Variants in PTPRM observed in about 807,000 individuals in gnomAD.
The protein encoded by PTPRM is receptor-type tyrosine-protein phosphatase mu.
In PTPRM, 47 loss-of-function variants were observed where a neutral mutation model predicts 186.7. The observed-to-expected ratio is 0.25, with a 90% confidence interval of 0.20 to 0.32. PTPRM has a LOEUF of 0.32. PTPRM is among the 10% of genes least tolerant of loss of function. The pLI is 1.00. For missense variants in PTPRM, 1,494 were observed against 1,865.0 expected (o/e 0.80, Z 3.66); for synonymous variants, 668 against 674.9 (o/e 0.99, Z 0.16).
chr18:8,246,327 A>G (rs550484079), intron 15 of PTPRM, among the ~76,000 whole-genome samples: 12 of 152,308 alleles, frequency 7.9e-5, no homozygotes, highest in Non-Finnish European at 1.2e-4. Context: ...GAAAAACGAA[A>G]TAGGAGAATT....
intron 2 of PTPRM, among the ~76,000 whole-genome samples, chr18:7,850,460 C>G (rs2046807831): frequency 6.6e-6 from 1 of 152,164 alleles, no homozygotes; most frequent in Non-Finnish European, 1.5e-5. Context: ...AAAGGAGCAA[C>G]TTTTCCCATT....
chr18:7,832,416 G>T (rs1197340475), intron 2 of PTPRM, among the ~76,000 whole-genome samples: 1 of 152,114 alleles, frequency 6.6e-6, no homozygotes, highest in Non-Finnish European at 1.5e-5. Context: ...TTTGCCACTT[G>T]TATGTCTTCT....
intron 9 of PTPRM, among the ~76,000 whole-genome samples, chr18:8,078,765 T>C (rs2089969605): frequency 6.6e-6 from 1 of 152,128 alleles, no homozygotes; most frequent in Non-Finnish European, 1.5e-5. Flanking sequence ...AGGAACCTTA[T>C]GAATGTGGCA....
chr18:8,303,478 T>C (rs2095184243), intron 20 of PTPRM, among the ~76,000 whole-genome samples: 1 of 152,156 alleles, frequency 6.6e-6, no homozygotes, highest in Admixed American at 6.5e-5. Context: ...CAACAGCGTC[T>C]TTGAACGAAG....
intron 7 of PTPRM, among the ~76,000 whole-genome samples, chr18:8,045,496 G>A (rs770909843): frequency 2.0e-5 from 3 of 152,324 alleles, no homozygotes; most frequent in East Asian, 1.9e-4. Context: ...AAAGAGGAGT[G>A]AAGTCTGCTA....
Position 8,360,397 on chromosome 18 carries a change from C to CAA in PTPRM, c.3055-10486_3055-10485dup, listed in dbSNP as rs56326887. Among the ~76,000 whole-genome samples the CAA allele has an allele frequency of 4.1e-4, 62 of 151,568 alleles. 1 individual carries two copies. The South Asian group carries it at 0.011, about 26-fold the overall frequency. The stretch of plus-strand genomic sequence containing the variant: ...ACACACCTCTGCCGTGAAATCTATG[C>CAA]AAAAAAAACCCTTCATACCCGACAA... On this transcript the variant is annotated intron_variant, in intron 23 of 32. Transcript: ENST00000580170.
chr18:7,681,234 C>T (rs373629701), intron 1 of PTPRM, among the ~76,000 whole-genome samples: 2 of 151,824 alleles, frequency 1.3e-5, no homozygotes, highest in East Asian at 1.9e-4. Flanking sequence ...ACTTAATGAG[C>T]CCATTTTATC....
chr18:7,742,887 A>G (rs2040911469), intron 1 of PTPRM, among the ~76,000 whole-genome samples: 1 of 152,228 alleles, frequency 6.6e-6, no homozygotes, highest in Admixed American at 6.5e-5. Context: ...GTAAAAATTT[A>G]ATTTAAAAAT....
At chr18:8,247,983 C>CT in intron 16 of PTPRM, 64 bp downstream of exon 16, 2 of 1,434,428 alleles carry the variant, frequency 1.4e-6, no homozygotes, top group South Asian at 2.3e-5. Context: ...ACTCCGCCCT[C>CT]TCTCTGCTAT....
At chr18:7,847,691 A>T (rs936406649) in intron 2 of PTPRM, among the ~76,000 whole-genome samples, 1 of 152,122 alleles carries the variant, frequency 6.6e-6, no homozygotes, top group African/African-American at 2.4e-5. Context: ...TCCCCCTACA[A>T]CTAAAGATTA....
intron 22 of PTPRM, among the ~76,000 whole-genome samples, chr18:8,336,513 C>G (rs944527356): frequency 2.0e-5 from 3 of 151,810 alleles, no homozygotes; most frequent in Non-Finnish European, 4.4e-5. Context: ...GATCATACCA[C>G]TGCACTCCAG....
intron 7 of PTPRM, among the ~76,000 whole-genome samples, chr18:7,984,008 A>G (rs1313711927): frequency 2.6e-5 from 4 of 152,212 alleles, no homozygotes; most frequent in African/African-American, 9.6e-5. Flanking sequence ...TCACTTGATG[A>G]ATGAAACTGT....
intron 14 of PTPRM, among the ~76,000 whole-genome samples, chr18:8,192,462 T>C (rs922646847): frequency 1.3e-5 from 2 of 152,180 alleles, no homozygotes; most frequent in African/African-American, 4.8e-5. Context: ...AATGAGATTA[T>C]GTCAAAAGAA....
At chr18:7,771,885 G>A (rs1451266920) in intron 1 of PTPRM, among the ~76,000 whole-genome samples, 1 of 152,200 alleles carries the variant, frequency 6.6e-6, no homozygotes. Context: ...AGCATGAGAT[G>A]GGATTTAGGA....
At position 8,311,813 on chromosome 18, in the gene PTPRM, A is replaced by G. The variant is rs7238124; in HGVS notation, c.2843-2968A>G. On this transcript the variant is annotated intron_variant, in intron 20 of 32. Transcript: ENST00000580170. ...AAACTCTACTTCAGAGGCTCTGTTGATAGGAAATAGGAATTCAGTCCTGGT... is the reference window on the plus strand; with the variant it reads ...AAACTCTACTTCAGAGGCTCTGTTGGTAGGAAATAGGAATTCAGTCCTGGT... 6.2e-3 allele frequency among the ~76,000 whole-genome samples: 949 copies of G among 152,272 alleles called. 10 individuals carry two copies. The highest frequency in any genetic ancestry group is 0.021 in the African/African-American group (893 of 41,536).
At position 7,899,378 on chromosome 18, in the gene PTPRM, T is replaced by G. The variant is rs1467634803; in HGVS notation, c.469-7127T>G. 2.0e-5 allele frequency among the ~76,000 whole-genome samples: 3 copies of G among 152,180 alleles called. No homozygotes were observed. In the East Asian group the frequency reaches 5.8e-4, roughly 29 times the overall value. On this transcript the variant is annotated intron_variant, in intron 3 of 32. Transcript: ENST00000580170. Reference sequence around the variant, plus strand: ...TGAAAGCTTTGCAAGTATTGATTTTTGGGGGTTACAAATAAATTTTAGGGA... The same window carrying G: ...TGAAAGCTTTGCAAGTATTGATTTTGGGGGGTTACAAATAAATTTTAGGGA...
intron 31 of PTPRM, among the ~76,000 whole-genome samples, chr18:8,394,143 T>C (rs2095833597): frequency 6.6e-6 from 1 of 152,182 alleles, no homozygotes; most frequent in Non-Finnish European, 1.5e-5. Flanking sequence ...AACCCGTACT[T>C]GTCACAGCAA....
At chr18:8,151,121 G>C (rs779392837) in intron 14 of PTPRM, among the ~76,000 whole-genome samples, 5 of 152,156 alleles carry the variant, frequency 3.3e-5, no homozygotes, top group Non-Finnish European at 7.4e-5. Context: ...GGACCCACTT[G>C]AGGAGGCACT....
At chr18:8,260,773 G>A (rs1028573453) in intron 19 of PTPRM, among the ~76,000 whole-genome samples, 2 of 152,206 alleles carry the variant, frequency 1.3e-5, no homozygotes, top group Non-Finnish European at 2.9e-5. Context: ...CCTTCCATGG[G>A]AAAGGCCTTG....
Sources: gnomAD v4.1 joint callset for allele counts (sites outside exome capture counted in the v4.1 genomes callset) on GRCh38, gnomAD v4.1.1 for gene constraint, MANE v1.5 for transcripts, NCBI Gene and HGNC (gene_info 2026-07-23, HGNC 2026-07-21) for gene names.